ROBO2: variants seen among roughly 807,000 people sequenced by gnomAD.
ROBO2 encodes roundabout guidance receptor 2, also known as roundabout homolog 2.
ROBO2 carries 53 observed loss-of-function variants against 160.8 expected under a neutral mutation model. The observed-to-expected ratio is 0.33, with a 90% CI of 0.26 to 0.41. The LOEUF (loss-of-function observed/expected upper bound fraction) is 0.41, where lower values mean the gene tolerates loss of function less well. Among genes scored for constraint, ROBO2 ranks in the 10% least tolerant of loss-of-function variants. ROBO2 has a pLI of 1.00. For missense variants in ROBO2, 1,577 were observed against 1,722.4 expected (o/e 0.92, Z 1.49); for synonymous variants, 664 against 611.7 (o/e 1.09, Z -1.26).
chr3:77,385,166 A>G (rs1215947189), intron 2 of ROBO2, among the ~76,000 whole-genome samples: 1 of 152,028 alleles, frequency 6.6e-6, no homozygotes, highest in Non-Finnish European at 1.5e-5. Flanking sequence ...AGTAGCTGGG[A>G]TTACTGGTGC....
chr3:76,242,913 A>G (rs969998435), intron 2 of ROBO2, among the ~76,000 whole-genome samples: 3 of 137,878 alleles, frequency 2.2e-5, no homozygotes, highest in African/African-American at 7.3e-5. Context: ...AACAACAACA[A>G]AACAACTGAA....
intron 2 of ROBO2, among the ~76,000 whole-genome samples, chr3:76,731,658 A>G (rs569573064): frequency 9.2e-5 from 14 of 152,310 alleles, no homozygotes; most frequent in Admixed American, 1.3e-4. Flanking sequence ...TAATAAATGC[A>G]GAAACATAGA....
At chr3:77,227,025 T>G (rs2151249078) in intron 2 of ROBO2, among the ~76,000 whole-genome samples, 1 of 152,290 alleles carries the variant, frequency 6.6e-6, no homozygotes, top group African/African-American at 2.4e-5. Flanking sequence ...TTCAACAAAT[T>G]TTTGTCCTTT....
At chr3:77,547,235 A>C (rs1454633187) in intron 7 of ROBO2, among the ~76,000 whole-genome samples, 1 of 152,068 alleles carries the variant, frequency 6.6e-6, no homozygotes, top group Non-Finnish European at 1.5e-5. Flanking sequence ...TTTCCAGGTA[A>C]AACTAGATTA....
At chr3:76,090,499 G>A (rs1341950952) in intron 2 of ROBO2, among the ~76,000 whole-genome samples, 1 of 152,082 alleles carries the variant, frequency 6.6e-6, no homozygotes, top group Non-Finnish European at 1.5e-5. Context: ...AAAACCTCAA[G>A]GTAGTCAAGA....
chr3:76,548,458 G>A (rs1038675542), intron 2 of ROBO2, among the ~76,000 whole-genome samples: 1 of 152,084 alleles, frequency 6.6e-6, no homozygotes, highest in African/African-American at 2.4e-5. Context: ...GTAAGAGAGG[G>A]ATACCATTGA....
chr3:77,366,851 C>G (rs1414269978), intron 2 of ROBO2, among the ~76,000 whole-genome samples: 2 of 151,852 alleles, frequency 1.3e-5, no homozygotes, highest in East Asian at 3.9e-4. Flanking sequence ...CTCTTTTTAA[C>G]TACTAGTTCT....
At chr3:77,502,123 C>A (rs1032649459) in intron 5 of ROBO2, among the ~76,000 whole-genome samples, 6 of 152,004 alleles carry the variant, frequency 3.9e-5, no homozygotes, top group Admixed American at 3.9e-4. Context: ...GTAAATATGC[C>A]AACATCACTG....
rs557692357 is a variant in ROBO2, at chr3:76,024,473, G to A, written c.109+86871G>A. Among the ~76,000 whole-genome samples, 44 of 150,898 alleles carry A rather than the reference G, an allele frequency of 2.9e-4. 1 individual carries two copies. In the South Asian group the frequency reaches 9.2e-3, roughly 31 times the overall value. On this transcript the variant is annotated intron_variant, in intron 2 of 26. Coordinates refer to the ROBO2 transcript ENST00000487694. ...GCAAGTAGTTAGTTTCTGAATTTTT[G>A]GTGCAATCCAAATACTTAGTTTAGT... is the stretch of plus-strand genomic sequence containing the variant.
At chr3:76,463,732 A>C (rs1307585331) in intron 2 of ROBO2, among the ~76,000 whole-genome samples, 2 of 152,150 alleles carry the variant, frequency 1.3e-5, no homozygotes, top group Non-Finnish European at 2.9e-5. Context: ...CCTCAGGGTT[A>C]TCTATTGCCA....
At chr3:77,441,079 A>G (rs1367549629) in intron 2 of ROBO2, among the ~76,000 whole-genome samples, 2 of 152,140 alleles carry the variant, frequency 1.3e-5, no homozygotes, top group African/African-American at 4.8e-5. Context: ...ACAAATGAGT[A>G]GAGTGTAGTT....
At chr3:76,790,730 A>G (rs2063303350) in intron 2 of ROBO2, among the ~76,000 whole-genome samples, 1 of 151,788 alleles carries the variant, frequency 6.6e-6, no homozygotes. Flanking sequence ...TCACTCAAAT[A>G]ATGGAAAGAA....
At position 77,573,665 on chromosome 3, in the gene ROBO2, C is replaced by T. The variant is rs182007919; in HGVS notation, c.1972-834C>T. Among the ~76,000 whole-genome samples, 15 of 152,124 alleles carry T rather than the reference C, an allele frequency of 9.9e-5. No individual in the cohort carries two copies. In the East Asian group the frequency reaches 2.5e-3, roughly 26 times the overall value. On this transcript the variant is annotated intron_variant, in intron 13 of 25. Transcript: ENST00000461745. The stretch of plus-strand genomic sequence containing the variant: ...CTGTATTATATGCTTTTTCCAGCCA[C>T]AGGGACTTTATACATGATGTCCTCA...
chr3:76,180,022 G>A (rs560579895), intron 2 of ROBO2, among the ~76,000 whole-genome samples: 15 of 152,048 alleles, frequency 9.9e-5, no homozygotes, highest in African/African-American at 2.4e-4. Flanking sequence ...CTGCTGCTCC[G>A]GCAGGGTGGA....
In ROBO2 at chr3:77,365,014, G is replaced by A. The variant is rs565729723; in HGVS notation, c.389-112400G>A. Among the ~76,000 whole-genome samples, 15 of 152,032 alleles carry A rather than the reference G, an allele frequency of 9.9e-5. 1 individual carries two copies. Among genetic ancestry groups the A allele is most frequent in the African/African-American group, 3.4e-4 (14 of 41,494 alleles). ...ACAAAAATTAGCAAGGCATGGTGGT[G>A]CATGCCTGTAATCCTAGCTACTCAG... On this transcript the variant is annotated intron_variant, in intron 2 of 25. Coordinates refer to ENST00000461745, the Ensembl canonical transcript of ROBO2.
At chr3:76,589,346 C>A (rs937401784) in intron 2 of ROBO2, among the ~76,000 whole-genome samples, 3 of 152,142 alleles carry the variant, frequency 2.0e-5, no homozygotes, top group Non-Finnish European at 2.9e-5. Context: ...GTCACCCAGG[C>A]TGGAGTGCAG....
At chr3:76,567,727 GTA>G (rs1193938994) in intron 2 of ROBO2, among the ~76,000 whole-genome samples, 15 of 113,202 alleles carry the variant, frequency 1.3e-4, no homozygotes, top group African/African-American at 4.9e-4. Flanking sequence ...ATATATGTCA[GTA>G]TATATATACT....
At chr3:77,528,402 T>C (rs1346872387) in intron 6 of ROBO2, among the ~76,000 whole-genome samples, 5 of 151,488 alleles carry the variant, frequency 3.3e-5, no homozygotes, top group Non-Finnish European at 5.9e-5. Context: ...ACACCTGATA[T>C]ATATGTTGGT....
intron 2 of ROBO2, among the ~76,000 whole-genome samples, chr3:77,379,517 A>G (rs1234742901): frequency 1.3e-5 from 2 of 152,238 alleles, no homozygotes; most frequent in African/African-American, 4.8e-5. Flanking sequence ...ATACGTCAGT[A>G]GCTGTAATGA....
Sources: allele counts gnomAD v4.1 joint callset (sites outside exome capture counted in the v4.1 genomes callset), GRCh38; gene constraint gnomAD v4.1.1; transcripts MANE v1.5; gene names NCBI Gene and HGNC (gene_info 2026-07-23, HGNC 2026-07-21).